The following SIAH1 variants were observed in gnomAD, a reference collection of about 807,000 sequenced individuals.
SIAH1 encodes the protein siah E3 ubiquitin protein ligase 1.
In SIAH1, 2 loss-of-function variants were observed where a neutral mutation model predicts 20.0. The ratio of observed to expected loss-of-function variants is 0.10; its 90% confidence interval spans 0.04 to 0.31. SIAH1 has a LOEUF of 0.31. Among genes scored for constraint, SIAH1 ranks in the 10% least tolerant of loss-of-function variants. The pLI is 1.00. For missense variants in SIAH1, 119 were observed against 355.3 expected (o/e 0.33, Z 5.35); for synonymous variants, 118 against 125.3 (o/e 0.94, Z 0.39).
Position 48,380,928 on chromosome 16 carries a change from C to CAAAAA in SIAH1, c.-3+4271_-3+4275dup, listed in dbSNP as rs59376248. Among the ~76,000 whole-genome samples the CAAAAA allele has an allele frequency of 2.0e-3, 92 of 44,946 alleles. 9 individuals carry two copies. Among genetic ancestry groups the CAAAAA allele is most frequent in the Admixed American group, 3.6e-3 (10 of 2,746 alleles). 29.5% of individuals were successfully genotyped at this position (44,946 alleles called of 152,430 possible). On this transcript the variant is annotated intron_variant, in intron 1 of 1. Transcript: ENST00000394725. ...TGGGCGACAGAGTGAGACTCCGTCT[C>CAAAAA]AAAAAAAAAAAAAAAAAGAACGGCT... is the stretch of plus-strand genomic sequence containing the variant.
rs1960585685 is a variant in SIAH1 at position 48,361,352 on chromosome 16, G to C, written c.*228C>G. On this transcript the variant is annotated 3_prime_UTR_variant, in exon 2 of 2. Transcript: ENST00000394725. ...CTTAATACAAAAGATGCCCATCTTG[G>C]GTGTATATACATATATTTTTTCAGT... The C allele has an allele frequency of 4.3e-6, 2 of 467,886 alleles. No individual in the cohort carries two copies. The highest frequency in any genetic ancestry group is 7.7e-6 in the Non-Finnish European group (2 of 260,766). 29.0% of individuals were successfully genotyped at this position (467,886 alleles called of 1,614,324 possible).
intron 1 of SIAH1, chr16:48,365,910 C>T: frequency 7.3e-6 from 9 of 1,228,104 alleles, no homozygotes; most frequent in Non-Finnish European, 9.1e-6. Context: ...GCCGGGAGAG[C>T]CATTTGGAGC....
upstream of SIAH1, among the ~76,000 whole-genome samples, chr16:48,385,667 C>T (rs536601861): frequency 6.6e-6 from 1 of 152,238 alleles, no homozygotes; most frequent in East Asian, 1.9e-4. Context: ...GCACGTGGCG[C>T]TCTGGCCCGC....
intron 1 of SIAH1, among the ~76,000 whole-genome samples, chr16:48,366,368 A>AT (rs1367143797): frequency 1.3e-5 from 2 of 152,270 alleles, no homozygotes; most frequent in East Asian, 3.9e-4. Context: ...ATCAACTACC[A>AT]TATTTCCTCA....
intron 1 of SIAH1, among the ~76,000 whole-genome samples, 172 bp downstream of exon 1, chr16:48,385,032 G>A (rs984206545): frequency 6.8e-6 from 1 of 148,088 alleles, no homozygotes; most frequent in African/African-American, 2.4e-5. Flanking sequence ...GCGGGGGGCG[G>A]CGCTCGACCG....
chr16:48,372,984 G>C (rs1001415365), intron 1 of SIAH1, among the ~76,000 whole-genome samples: 1 of 152,142 alleles, frequency 6.6e-6, no homozygotes, highest in African/African-American at 2.4e-5. Context: ...TCTGTTCACC[G>C]ACTTCACATA....
At chr16:48,365,890 G>A (rs775708477) in intron 1 of SIAH1, 125 of 1,234,772 alleles carry the variant, frequency 1.0e-4, no homozygotes, top group Non-Finnish European at 1.2e-4. Context: ...GTTACTGCAG[G>A]AGCCTGCCTG....
At chr16:48,366,652 C>CGTGCAGAGG (rs1960848871) in intron 1 of SIAH1, among the ~76,000 whole-genome samples, 1 of 152,170 alleles carries the variant, frequency 6.6e-6, no homozygotes, top group African/African-American at 2.4e-5. Flanking sequence ...TCAGCTAGTG[C>CGTGCAGAGG]GTGCAGAGGT....
intron 1 of SIAH1, among the ~76,000 whole-genome samples, chr16:48,366,102 T>C (rs1296410426): frequency 6.9e-6 from 1 of 144,886 alleles, no homozygotes; most frequent in African/African-American, 2.5e-5. Flanking sequence ...CACCCCGCCG[T>C]TGACCCCATC....
chr16:48,370,737 C>T (rs1013305083), intron 1 of SIAH1, among the ~76,000 whole-genome samples: 3 of 150,054 alleles, frequency 2.0e-5, no homozygotes, highest in Admixed American at 1.3e-4. Flanking sequence ...ATCCGGGAGG[C>T]GGAGCTCGAA....
chr16:48,380,928 C>CAAAAAAAAAAAAA (rs59376248), intron 1 of SIAH1, among the ~76,000 whole-genome samples: 1,262 of 44,838 alleles, frequency 0.028, 413 homozygotes, highest in African/African-American at 0.088. Context: ...GACTCCGTCT[C>CAAAAAAAAAAAAA]AAAAAAAAAA....
At chr16:48,375,655 C>T (rs1961091147) in intron 1 of SIAH1, among the ~76,000 whole-genome samples, 1 of 150,968 alleles carries the variant, frequency 6.6e-6, no homozygotes, top group Non-Finnish European at 1.5e-5. Context: ...AAACAAAAAA[C>T]AAAAAACAAA....
At position 48,362,551 on chromosome 16, in the gene SIAH1, GGA is replaced by G; in HGVS notation, c.-2-123_-2-122del. On this transcript the variant is annotated intron_variant, in intron 1 of 1. Coordinates refer to ENST00000394725, the MANE Select transcript of SIAH1 (RefSeq NM_003031.4). This position sits in a 1 kb window ranked among gnomAD's most constrained non-coding sequence, Gnocchi z 4.2. ...CATACAAAATTTACTGAGCAAAAGAGGAAGAAAAATAGGATTAAAAAAGATAT... is the reference window on the plus strand; with the variant it reads ...CATACAAAATTTACTGAGCAAAAGAGAGAAAAATAGGATTAAAAAAGATAT... The G allele has an allele frequency of 1.0e-6, 1 of 963,980 alleles. No homozygotes were observed. The highest frequency in any genetic ancestry group is 1.5e-6 in the Non-Finnish European group (1 of 650,174). The allele number at this position is 963,980 out of a possible 1,614,324, so 59.7% of individuals were successfully genotyped here.
chr16:48,373,435 G>A (rs554848055), intron 1 of SIAH1, among the ~76,000 whole-genome samples: 1 of 152,238 alleles, frequency 6.6e-6, no homozygotes, highest in South Asian at 2.1e-4. Flanking sequence ...CAGGTCAAGC[G>A]CCTTCGAGTC....
chr16:48,363,433 AAAAT>A (rs1402489097), intron 1 of SIAH1: 3 of 167,228 alleles, frequency 1.8e-5, no homozygotes, highest in African/African-American at 4.8e-5. Context: ...CGAAAATATA[AAAAT>A]AAATAAAAAC....
intron 1 of SIAH1, among the ~76,000 whole-genome samples, chr16:48,375,436 T>TG (rs1313684199): frequency 6.6e-6 from 1 of 152,130 alleles, no homozygotes; most frequent in Non-Finnish European, 1.5e-5. Flanking sequence ...GGTCAGGAGT[T>TG]GGAGACCAGC....
intron 1 of SIAH1, among the ~76,000 whole-genome samples, chr16:48,375,359 C>T (rs922270851): frequency 1.3e-5 from 2 of 152,158 alleles, no homozygotes; most frequent in East Asian, 1.9e-4. Flanking sequence ...GGGAGAGAGG[C>T]GAGGAGCAGT....
At chr16:48,376,592 A>T (rs1961115685) in intron 1 of SIAH1, among the ~76,000 whole-genome samples, 1 of 152,144 alleles carries the variant, frequency 6.6e-6, no homozygotes, top group South Asian at 2.1e-4. Flanking sequence ...CCCAGGTTCA[A>T]GCAATTCTCC....
chr16:48,385,258 G>T lies in SIAH1; in HGVS notation c.-57C>A. On this transcript the variant is annotated 5_prime_UTR_variant, in exon 1 of 2. Coordinates refer to ENST00000394725, the MANE Select transcript of SIAH1 (RefSeq NM_003031.4). ...GGTCCTGGCACCAACGCGCTCCGTC[G>T]CCAACCCCCGCCACCGCGGGCAGCG... 1 of 317,776 alleles carries T rather than the reference G, an allele frequency of 3.1e-6. No homozygotes were observed. The highest frequency in any genetic ancestry group is 2.1e-5 in the South Asian group (1 of 46,516). 19.7% of individuals were successfully genotyped at this position (317,776 alleles called of 1,614,324 possible). A position where few individuals can be genotyped will look rare whatever the true frequency, so the allele number is the denominator to read the frequency against.
Sources: allele counts gnomAD v4.1 joint callset (sites outside exome capture counted in the v4.1 genomes callset), GRCh38; gene constraint gnomAD v4.1.1; non-coding constraint Gnocchi (gnomAD v3.1); transcripts MANE v1.5; gene names NCBI Gene and HGNC (gene_info 2026-07-23, HGNC 2026-07-21).